Variants in RALGAPA2 observed in about 807,000 individuals in gnomAD.
RALGAPA2 encodes ral GTPase-activating protein subunit alpha-2.
A neutral mutation model predicts 230.4 loss-of-function variants in RALGAPA2; 139 were observed. That is an observed-to-expected ratio of 0.60 (90% confidence interval 0.53 to 0.69). The LOEUF (loss-of-function observed/expected upper bound fraction) is 0.69, where lower values mean the gene tolerates loss of function less well. Among genes scored for constraint, RALGAPA2 ranks in the 30% least tolerant of loss-of-function variants. The pLI, the probability that RALGAPA2 is intolerant of heterozygous loss-of-function variation, is 0.00. For synonymous variants in RALGAPA2, 847 were observed against 837.8 expected (o/e 1.01, Z -0.19); for missense variants, 2,163 against 2,276.0 (o/e 0.95, Z 1.01).
At chr20:20,584,793 T>G (rs1232346142) in intron 19 of RALGAPA2, 72 bp downstream of exon 19, 3 of 1,157,056 alleles carry the variant, frequency 2.6e-6, no homozygotes, top group Non-Finnish European at 3.8e-6. Flanking sequence ...ATAATAATAA[T>G]AATAAAATGT....
At chr20:20,487,586 T>C (rs2061944548) in intron 36 of RALGAPA2, among the ~76,000 whole-genome samples, 1 of 152,152 alleles carries the variant, frequency 6.6e-6, no homozygotes, top group Non-Finnish European at 1.5e-5. Context: ...AGTGTTTCCG[T>C]TCCCCCAGGC....
At chr20:20,669,663 C>T (rs1225987868) in intron 3 of RALGAPA2, among the ~76,000 whole-genome samples, 1 of 152,206 alleles carries the variant, frequency 6.6e-6, no homozygotes, top group African/African-American at 2.4e-5. Flanking sequence ...AGCTCCTGCC[C>T]TCAGTTCTGT....
chr20:20,545,376 CT>C (rs1415485772), intron 24 of RALGAPA2, among the ~76,000 whole-genome samples: 1 of 152,142 alleles, frequency 6.6e-6, no homozygotes, highest in Admixed American at 6.6e-5. Context: ...CTCTTCTTCT[CT>C]TTTACCTTTC....
rs117849343 is a variant in RALGAPA2, at chr20:20,503,205, C to A, written c.5208+146G>T. On this transcript the variant is annotated intron_variant, in intron 35 of 39. Coordinates refer to ENST00000202677, the MANE Select transcript of RALGAPA2 (RefSeq NM_020343.4). ...TCCAAAAGTAATAACATTTAAGACGCCTTCTTTCCCCAAACCTTAATCTCA... is the reference window on the plus strand; with the variant it reads ...TCCAAAAGTAATAACATTTAAGACGACTTCTTTCCCCAAACCTTAATCTCA... 1,298 of 722,920 alleles carry A rather than the reference C, an allele frequency of 1.8e-3. 26 individuals are homozygous for A. The East Asian group carries it at 0.038, about 21-fold the overall frequency. 44.8% of individuals were successfully genotyped at this position (722,920 alleles called of 1,614,324 possible). A position where few individuals can be genotyped will look rare whatever the true frequency, so the allele number is the denominator to read the frequency against.
chr20:20,468,346 G>T (rs960488616), intron 37 of RALGAPA2, among the ~76,000 whole-genome samples: 1 of 152,084 alleles, frequency 6.6e-6, no homozygotes, highest in Non-Finnish European at 1.5e-5. Context: ...CCCATCTGGG[G>T]GTATAACTCC....
intron 36 of RALGAPA2, among the ~76,000 whole-genome samples, chr20:20,483,566 C>T (rs1441626321): frequency 6.6e-6 from 1 of 152,106 alleles, no homozygotes. Flanking sequence ...TCAATCTGTA[C>T]GACACCTGTG....
intron 2 of RALGAPA2, 54 bp downstream of exon 2, chr20:20,680,637 C>T (rs969942654): frequency 4.7e-6 from 7 of 1,482,504 alleles, no homozygotes; most frequent in Non-Finnish European, 6.2e-6. Context: ...ATGATATATA[C>T]AACTTATAAA....
chr20:20,696,009 T>C (rs1175947831), intron 1 of RALGAPA2, among the ~76,000 whole-genome samples: 1 of 152,186 alleles, frequency 6.6e-6, no homozygotes, highest in Non-Finnish European at 1.5e-5. Context: ...CTTTTTAATA[T>C]GCCTGCTCTC....
intron 21 of RALGAPA2, among the ~76,000 whole-genome samples, 171 bp from the exon 22 acceptor site, chr20:20,572,117 T>G (rs1419126888): frequency 6.6e-6 from 1 of 152,228 alleles, no homozygotes; most frequent in East Asian, 1.9e-4. Flanking sequence ...GAATTACATG[T>G]TTGGCTTACT....
chr20:20,503,352 T>C lies in RALGAPA2; in HGVS notation c.5207A>G (p.Lys1736Arg). ...ATGGTGCCCGAGGAGACCCCTTACC[T>C]TTTTGGTGAGGGAATCATCTGAGTC... Reference protein sequence around the residue: ...PSDSDDSLTKKLRHLGNDEVH... With the variant: ...PSDSDDSLTKRLRHLGNDEVH... Residue 1736 changes from lysine (K) to arginine (R), a missense_variant and splice_region_variant, in exon 35 of 40, where the codon AAG becomes AGG. Coordinates refer to ENST00000202677, the MANE Select transcript of RALGAPA2 (RefSeq NM_020343.4). The C allele has an allele frequency of 1.3e-6, 2 of 1,581,034 alleles. No individual in the cohort carries two copies. The highest frequency in any genetic ancestry group is 2.3e-5 in the East Asian group (1 of 43,880).
At chr20:20,439,437 T>A (rs1430381585) in intron 37 of RALGAPA2, among the ~76,000 whole-genome samples, 1 of 152,134 alleles carries the variant, frequency 6.6e-6, no homozygotes, top group East Asian at 1.9e-4. Context: ...GGTCTCGAAC[T>A]CCAGAGCTTA....
At position 20,412,022 on chromosome 20, in the gene RALGAPA2, C is replaced by G. The variant is rs370203061; in HGVS notation, c.5617+5G>C. 1.2e-6 allele frequency: 2 copies of G among 1,613,934 alleles called. No individual in the cohort carries two copies. The highest frequency in any genetic ancestry group is 1.7e-6 in the Non-Finnish European group (2 of 1,179,826). On this transcript the variant is annotated splice_donor_5th_base_variant and intron_variant, in intron 38 of 39. Coordinates refer to ENST00000202677, the MANE Select transcript of RALGAPA2 (RefSeq NM_020343.4). ...GCGTGAGAGAAGAATAATGTAGACA[C>G]TCACCCGTTCCGCTGAGGGAGTAGC...
At chr20:20,445,954 CA>C (rs1340202303) in intron 37 of RALGAPA2, among the ~76,000 whole-genome samples, 1 of 151,756 alleles carries the variant, frequency 6.6e-6, no homozygotes, top group African/African-American at 2.4e-5. Flanking sequence ...TTGGAAAAAA[CA>C]TTTTTTTTTT....
intron 23 of RALGAPA2, among the ~76,000 whole-genome samples, chr20:20,549,526 G>A (rs929739821): frequency 6.6e-6 from 1 of 152,162 alleles, no homozygotes; most frequent in African/African-American, 2.4e-5. Context: ...AGCACTGGGG[G>A]AGGGTAAATG....
chr20:20,672,147 C>T (rs1045296566), intron 3 of RALGAPA2, among the ~76,000 whole-genome samples: 1 of 152,158 alleles, frequency 6.6e-6, no homozygotes, highest in South Asian at 2.1e-4. Flanking sequence ...AACCAGAACC[C>T]TCAAATGGAG....
intron 37 of RALGAPA2, among the ~76,000 whole-genome samples, chr20:20,441,595 C>T (rs1602377828): frequency 6.6e-6 from 1 of 152,280 alleles, no homozygotes; most frequent in South Asian, 2.1e-4. Context: ...AGGAGCACTC[C>T]CTCTCTCCTC....
chr20:20,519,993 C>T (rs963332089), intron 31 of RALGAPA2, among the ~76,000 whole-genome samples: 5 of 152,048 alleles, frequency 3.3e-5, no homozygotes, highest in African/African-American at 4.8e-5. Context: ...GTGATCTGCT[C>T]GCCTTGGCCT....
At chr20:20,502,931 G>A (rs2062419942) in intron 35 of RALGAPA2, among the ~76,000 whole-genome samples, 1 of 152,142 alleles carries the variant, frequency 6.6e-6, no homozygotes, top group Non-Finnish European at 1.5e-5. Flanking sequence ...GGTTTCCTTT[G>A]AATTCTAAGG....
At chr20:20,429,892 C>T (rs185749896) in intron 37 of RALGAPA2, among the ~76,000 whole-genome samples, 7 of 152,314 alleles carry the variant, frequency 4.6e-5, no homozygotes, top group South Asian at 4.1e-4. Context: ...CACTTGGTGT[C>T]ATTCAAAAAC....
Sources: gnomAD v4.1 joint callset for allele counts (sites outside exome capture counted in the v4.1 genomes callset) on GRCh38, gnomAD v4.1.1 for gene constraint, MANE v1.5 for transcripts, NCBI Gene and HGNC (gene_info 2026-07-23, HGNC 2026-07-21) for gene names.